TGFBRAP1: variants seen among roughly 807,000 people sequenced by gnomAD.
TGFBRAP1 encodes transforming growth factor-beta receptor-associated protein 1.
In TGFBRAP1, 20 loss-of-function variants were observed where a neutral mutation model predicts 83.2. The observed-to-expected ratio is 0.24, with a 90% CI of 0.17 to 0.35. The LOEUF (loss-of-function observed/expected upper bound fraction) is 0.35, where lower values mean the gene tolerates loss of function less well. Among genes scored for constraint, TGFBRAP1 ranks in the 10% least tolerant of loss-of-function variants. The pLI is 1.00. For missense variants in TGFBRAP1, 950 were observed against 1,099.4 expected, an observed-to-expected ratio of 0.86 and a Z score of 1.92; for synonymous variants, 415 against 459.8, an observed-to-expected ratio of 0.90 and a Z score of 1.25.
intron 4 of TGFBRAP1, among the ~76,000 whole-genome samples, chr2:105,295,341 T>C (rs989385208): frequency 1.3e-5 from 2 of 152,232 alleles, no homozygotes; most frequent in Admixed American, 1.3e-4. Context: ...ATTATTAATT[T>C]AGATATTCAT....
At chr2:105,255,820 A>G in the TGFBRAP1 span, among the ~76,000 whole-genome samples, 1 of 152,074 alleles carries the variant, frequency 6.6e-6, no homozygotes, top group East Asian at 1.9e-4. Context: ...TGTCTCTCCC[A>G]TTCCTTCCCA....
At chr2:105,289,531 T>C (rs1296713562) in intron 4 of TGFBRAP1, among the ~76,000 whole-genome samples, 1 of 152,170 alleles carries the variant, frequency 6.6e-6, no homozygotes, top group African/African-American at 2.4e-5. Flanking sequence ...GAGGAGCAAA[T>C]ACTTTTATGC....
chr2:105,252,256 C>T, the TGFBRAP1 span, among the ~76,000 whole-genome samples: 4 of 152,186 alleles, frequency 2.6e-5, no homozygotes, highest in Non-Finnish European at 5.9e-5. Flanking sequence ...AAGAGAGTCA[C>T]TAAGCTCACT....
At chr2:105,321,589 T>C (rs891241947) in intron 1 of TGFBRAP1, among the ~76,000 whole-genome samples, 3 of 152,188 alleles carry the variant, frequency 2.0e-5, no homozygotes, top group Admixed American at 6.5e-5. Context: ...ACTAAGACCA[T>C]GAAGCCATAG....
Position 105,267,527 on chromosome 2 carries a change from T to C in TGFBRAP1, c.2439A>G (p.Ser813=). 1 of 1,614,214 alleles carries C rather than the reference T, an allele frequency of 6.2e-7. No individual in the cohort carries two copies. Among genetic ancestry groups the C allele is most frequent in the Non-Finnish European group, 8.5e-7 (1 of 1,180,042 alleles). ...GGCATATCTGACAAAGCTTTTTGTC[T>C]GAGAGTTGGATTGAGCTTCCTTTCA... ...MKLKGSSIQL[S]DKKLCQICQN... The change falls in exon 12 of 12, where the codon TCA becomes TCG. Residue 813 remains serine (S), a synonymous_variant. Transcript: ENST00000393359.
At chr2:105,260,683 A>C (rs11892334), downstream of TGFBRAP1, among the ~76,000 whole-genome samples, 679 of 151,836 alleles carry the variant, frequency 4.5e-3, 4 homozygotes, top group African/African-American at 0.016. Context: ...TGATGATTGC[A>C]TAACAATGTA....
At chr2:105,301,927 G>C (rs1678307952) in intron 2 of TGFBRAP1, among the ~76,000 whole-genome samples, 1 of 142,776 alleles carries the variant, frequency 7.0e-6, no homozygotes, top group Admixed American at 7.4e-5. Context: ...TTTTCAAAAA[G>C]CTTTTTCACG....
At chr2:105,308,345 T>C in intron 1 of TGFBRAP1, 27 bp from the exon 2 acceptor site, 1 of 1,550,698 alleles carries the variant, frequency 6.4e-7, no homozygotes, top group Admixed American at 1.9e-5. Flanking sequence ...AAAACTAATT[T>C]TAGAGGAACA....
At chr2:105,321,931 AT>A (rs534571955) in intron 1 of TGFBRAP1, among the ~76,000 whole-genome samples, 23 of 152,338 alleles carry the variant, frequency 1.5e-4, no homozygotes, top group African/African-American at 5.5e-4. Flanking sequence ...ACTTTTTATC[AT>A]TATTTTAGAG....
intron 7 of TGFBRAP1, 131 bp from the exon 8 acceptor site, chr2:105,275,834 G>GA (rs1482647894): frequency 1.1e-6 from 1 of 888,678 alleles, no homozygotes; most frequent in African/African-American, 1.7e-5. Flanking sequence ...AAAGTAGTTG[G>GA]AAAAACTGTA....
At chr2:105,273,997 G>A (rs748958356) in intron 8 of TGFBRAP1, among the ~76,000 whole-genome samples, 3 of 152,112 alleles carry the variant, frequency 2.0e-5, no homozygotes, top group Non-Finnish European at 4.4e-5. Context: ...GGAAACTGAA[G>A]AACAAAGCAT....
intron 2 of TGFBRAP1, among the ~76,000 whole-genome samples, chr2:105,302,009 T>TAAAAAAAAAAAAAAAAAAAA (rs35548542): frequency 1.3e-5 from 1 of 75,088 alleles, no homozygotes; most frequent in African/African-American, 5.2e-5. Flanking sequence ...TAAAGAATAC[T>TAAAAAAAAAAAAAAAAAAAA]AAAAAAAAAA....
chr2:105,282,911 G>C (rs556923673), intron 5 of TGFBRAP1, among the ~76,000 whole-genome samples: 1 of 152,012 alleles, frequency 6.6e-6, no homozygotes, highest in African/African-American at 2.4e-5. Flanking sequence ...GCCATTAAGA[G>C]AGTGAGGTGC....
At chr2:105,274,888 C>A (rs1039657087) in intron 8 of TGFBRAP1, among the ~76,000 whole-genome samples, 1 of 152,176 alleles carries the variant, frequency 6.6e-6, no homozygotes, top group Non-Finnish European at 1.5e-5. Flanking sequence ...GCCATGGAAG[C>A]GTATACGTTT....
At chr2:105,254,346 T>C in the TGFBRAP1 span, among the ~76,000 whole-genome samples, 6 of 152,192 alleles carry the variant, frequency 3.9e-5, no homozygotes, top group African/African-American at 7.2e-5. Context: ...TCAGGCTCCT[T>C]TGGGCCACAG....
the TGFBRAP1 span, among the ~76,000 whole-genome samples, chr2:105,250,167 A>G: frequency 1.3e-5 from 2 of 152,310 alleles, no homozygotes; most frequent in East Asian, 1.9e-4. Context: ...AGTTAGTCTG[A>G]TAAGAACGGA....
At chr2:105,277,060 A>G (rs796770872) in intron 7 of TGFBRAP1, among the ~76,000 whole-genome samples, 6 of 152,366 alleles carry the variant, frequency 3.9e-5, no homozygotes, top group African/African-American at 1.4e-4. Flanking sequence ...TGTAAGATAC[A>G]AAATGTGACA....
At chr2:105,287,551 C>T (rs1373339798) in intron 4 of TGFBRAP1, among the ~76,000 whole-genome samples, 4 of 151,824 alleles carry the variant, frequency 2.6e-5, no homozygotes, top group African/African-American at 9.7e-5. Context: ...GCTGTGTGGC[C>T]CTGGGTGGGT....
intron 5 of TGFBRAP1, among the ~76,000 whole-genome samples, chr2:105,281,853 G>A (rs1443902254): frequency 1.3e-5 from 2 of 151,890 alleles, no homozygotes; most frequent in African/African-American, 4.8e-5. Flanking sequence ...GCAATGCCTG[G>A]AGACAATTTT....
Sources: gnomAD v4.1 joint callset for allele counts (sites outside exome capture counted in the v4.1 genomes callset) on GRCh38, gnomAD v4.1.1 for gene constraint, MANE v1.5 for transcripts, NCBI Gene and HGNC (gene_info 2026-07-23, HGNC 2026-07-21) for gene names.